Variants in ATF6 observed in about 807,000 individuals in gnomAD.
The protein encoded by ATF6 is cyclic AMP-dependent transcription factor ATF-6 alpha.
In ATF6, 53 loss-of-function variants were observed where a neutral mutation model predicts 83.6. The ratio of observed to expected loss-of-function variants is 0.63; its 90% CI spans 0.51 to 0.80. The LOEUF is 0.80. ATF6 is among the 30% of genes least tolerant of loss of function. The probability of loss-of-function intolerance (pLI) is 0.00; values close to 1 mark genes in which losing one functional copy is unlikely to be tolerated. For synonymous variants in ATF6, 288 were observed against 285.8 expected (o/e 1.01, Z -0.08); for missense variants, 744 against 797.9 (o/e 0.93, Z 0.81).
intron 9 of ATF6, among the ~76,000 whole-genome samples, chr1:161,843,634 G>C (rs921400792): frequency 2.6e-5 from 4 of 152,020 alleles, no homozygotes; most frequent in Admixed American, 6.6e-5. Context: ...ACTCAAAAGT[G>C]GTAGCTACTG....
intron 15 of ATF6, among the ~76,000 whole-genome samples, chr1:161,940,116 A>G (rs907852485): frequency 6.6e-6 from 1 of 152,152 alleles, no homozygotes; most frequent in Non-Finnish European, 1.5e-5. Flanking sequence ...TAGGTCTCCC[A>G]GGTGCTCATG....
At chr1:161,863,349 G>T (rs1191292418) in intron 14 of ATF6, 37 bp downstream of exon 14, 2 of 1,369,002 alleles carry the variant, frequency 1.5e-6, no homozygotes, top group South Asian at 1.2e-5. Flanking sequence ...AAATATTTTT[G>T]AGTGCTTGCC....
intron 12 of ATF6, among the ~76,000 whole-genome samples, chr1:161,857,166 G>C (rs554220673): frequency 6.6e-6 from 1 of 152,202 alleles, no homozygotes; most frequent in East Asian, 1.9e-4. Flanking sequence ...GCCTGTAACT[G>C]CTCTCCTTTT....
intron 1 of ATF6, among the ~76,000 whole-genome samples, chr1:161,777,274 T>G (rs1197110910): frequency 6.6e-6 from 1 of 152,218 alleles, no homozygotes; most frequent in Non-Finnish European, 1.5e-5. Context: ...GCTTATATGT[T>G]TCTTGGCTCT....
intron 15 of ATF6, among the ~76,000 whole-genome samples, chr1:161,951,841 G>A (rs1455784882): frequency 6.6e-6 from 1 of 152,170 alleles, no homozygotes; most frequent in Non-Finnish European, 1.5e-5. Flanking sequence ...AAGCCACTCA[G>A]TAAATGCTGA....
intron 15 of ATF6, among the ~76,000 whole-genome samples, chr1:161,937,464 G>A (rs768719730): frequency 2.6e-5 from 4 of 151,170 alleles, no homozygotes; most frequent in Non-Finnish European, 5.9e-5. Flanking sequence ...ATTAAAATTC[G>A]TATGTTGAAA....
intron 3 of ATF6, among the ~76,000 whole-genome samples, chr1:161,783,594 T>C (rs1684683108): frequency 6.6e-6 from 1 of 152,098 alleles, no homozygotes; most frequent in Non-Finnish European, 1.5e-5. Flanking sequence ...TATGGTAAAA[T>C]ATTCAAAAGG....
chr1:161,905,023 C>G (rs1283656379), intron 14 of ATF6, among the ~76,000 whole-genome samples: 1 of 152,132 alleles, frequency 6.6e-6, no homozygotes, highest in African/African-American at 2.4e-5. Context: ...TTATGTGACG[C>G]CAACATCAAA....
intron 14 of ATF6, among the ~76,000 whole-genome samples, chr1:161,878,378 G>C (rs1412109630): frequency 6.6e-6 from 1 of 152,036 alleles, no homozygotes; most frequent in Non-Finnish European, 1.5e-5. Context: ...GCCTCCCAAA[G>C]TGTTGTGATT....
intron 15 of ATF6, among the ~76,000 whole-genome samples, chr1:161,927,348 T>G (rs373487109): frequency 6.6e-6 from 1 of 152,124 alleles, no homozygotes; most frequent in African/African-American, 2.4e-5. Context: ...TAAAAAACAT[T>G]TATAGAGACA....
intron 8 of ATF6, 54 bp from the exon 9 acceptor site, chr1:161,821,016 T>G: frequency 7.5e-7 from 1 of 1,329,480 alleles, no homozygotes; most frequent in Non-Finnish European, 1.1e-6. Flanking sequence ...TAAGCGTTGC[T>G]TTTTCTGAAA....
At chr1:161,894,521 C>CTTTTTTTT (rs71093131) in intron 14 of ATF6, among the ~76,000 whole-genome samples, 10 of 44,864 alleles carry the variant, frequency 2.2e-4, no homozygotes, top group Admixed American at 4.2e-4. Context: ...GTTTTGTAGT[C>CTTTTTTTT]TTTTTTTTTT....
chr1:161,851,252 ACACACAC>A (rs1686618501), intron 10 of ATF6, among the ~76,000 whole-genome samples: 27 of 147,590 alleles, frequency 1.8e-4, no homozygotes, highest in South Asian at 4.4e-4. Context: ...ACACACACAC[ACACACAC>A]ACACACACAC....
chr1:161,816,821 C>A (rs1685625554), intron 7 of ATF6, among the ~76,000 whole-genome samples: 1 of 152,050 alleles, frequency 6.6e-6, no homozygotes, highest in Non-Finnish European at 1.5e-5. Flanking sequence ...TAAAAAAATA[C>A]CAAACACCAC....
At chr1:161,888,539 C>G (rs934113892) in intron 14 of ATF6, among the ~76,000 whole-genome samples, 1 of 152,026 alleles carries the variant, frequency 6.6e-6, no homozygotes, top group Non-Finnish European at 1.5e-5. Context: ...AATAAAAATT[C>G]TTTCCCCAGG....
chr1:161,897,374 C>T (rs563920323), intron 14 of ATF6, among the ~76,000 whole-genome samples: 1 of 152,056 alleles, frequency 6.6e-6, no homozygotes, highest in Non-Finnish European at 1.5e-5. Flanking sequence ...GGGGAAACAG[C>T]GATTTCAGTG....
chr1:161,824,952 A>G (rs1231939307), intron 9 of ATF6, among the ~76,000 whole-genome samples: 4 of 152,182 alleles, frequency 2.6e-5, no homozygotes, highest in Admixed American at 2.6e-4. Context: ...AAAAAATGAA[A>G]AACTTTTTGT....
At position 161,830,114 on chromosome 1, in the gene ATF6, A is replaced by G. The variant is rs112951156; in HGVS notation, c.1187+8953A>G. On this transcript the variant is annotated intron_variant, in intron 9 of 15. Coordinates refer to ENST00000367942, the MANE Select transcript of ATF6 (RefSeq NM_007348.4). ...CTTCAGCAAAGTCTCAGGATACAAA[A>G]TCAATGTGCAAAAATCACAAGCATT... Among the ~76,000 whole-genome samples the G allele has an allele frequency of 2.8e-3, 424 of 152,380 alleles. 3 individuals are homozygous for G. The highest frequency in any genetic ancestry group is 9.5e-3 in the African/African-American group (396 of 41,594).
In ATF6 at chr1:161,961,607, G is replaced by A. The variant is rs566847993; in HGVS notation, c.*2953G>A. 2 of 151,570 alleles carry A rather than the reference G, an allele frequency of 1.3e-5. No homozygotes were observed. Among genetic ancestry groups the A allele is most frequent in the South Asian group, 2.1e-4 (1 of 4,784 alleles). The allele number at this position is 151,570 out of a possible 1,614,324, so 9.4% of individuals were successfully genotyped here. A position where few individuals can be genotyped will look rare whatever the true frequency, so the allele number is the denominator to read the frequency against. ...TTTTTTTGGTGGGATTGCCTTTTGGGGGTTGCAGCCAGAAATTGTGGGTAA... is the reference window on the plus strand; with the variant it reads ...TTTTTTTGGTGGGATTGCCTTTTGGAGGTTGCAGCCAGAAATTGTGGGTAA... On this transcript the variant is annotated 3_prime_UTR_variant, in exon 16 of 16. Coordinates refer to ENST00000367942, the MANE Select transcript of ATF6 (RefSeq NM_007348.4).
Sources: gnomAD v4.1 joint callset for allele counts (sites outside exome capture counted in the v4.1 genomes callset) on GRCh38, gnomAD v4.1.1 for gene constraint, MANE v1.5 for transcripts, NCBI Gene and HGNC (gene_info 2026-07-23, HGNC 2026-07-21) for gene names.